RBP4: variants seen among roughly 807,000 people sequenced by gnomAD.
RBP4 encodes retinol binding protein 4, also known as retinol-binding protein 4.
Under a neutral mutation model 26.2 loss-of-function variants are expected in RBP4, and 9 were observed. The observed-to-expected ratio is 0.34, with a 90% confidence interval of 0.21 to 0.60. The LOEUF (loss-of-function observed/expected upper bound fraction) is 0.60, where lower values mean the gene tolerates loss of function less well. Among genes scored for constraint, RBP4 ranks in the 20% least tolerant of loss-of-function variants. The probability of loss-of-function intolerance (pLI) is 0.80; values close to 1 mark genes in which losing one functional copy is unlikely to be tolerated. For synonymous variants in RBP4, 114 were observed against 111.0 expected, an observed-to-expected ratio of 1.03 and a Z score of -0.17; for missense variants, 244 against 271.3, an observed-to-expected ratio of 0.90 and a Z score of 0.71.
upstream of RBP4, chr10:93,601,305 G>T: frequency 8.2e-7 from 1 of 1,219,500 alleles, no homozygotes; most frequent in Non-Finnish European, 1.0e-6. Context: ...TAACCGCGCG[G>T]GGTGAAAGAC....
Position 93,601,051 on chromosome 10 carries a change from G to A in RBP4, c.-18-5C>T, listed in dbSNP as rs2058334980. On this transcript the variant is annotated splice_region_variant and splice_polypyrimidine_tract_variant and intron_variant, in intron 1 of 5. Transcript: ENST00000371464. ...CATCTTGCCCAGGAATCCGCCCTGC[G>A]GGAGACGCGCCTCCGTCAGTGCCCG... 5.6e-6 allele frequency: 9 copies of A among 1,605,400 alleles called. No individual in the cohort carries two copies. The highest frequency in any genetic ancestry group is 3.3e-5 in the South Asian group (3 of 91,056).
chr10:93,601,073 C>T, intron 1 of RBP4, 27 bp from the exon 2 acceptor site: 3 of 1,597,304 alleles, frequency 1.9e-6, no homozygotes, highest in Non-Finnish European at 2.5e-6. Context: ...TCCGTCAGTG[C>T]CCGGCAGCCG....
chr10:93,599,549 A>C (rs1184010773), intron 4 of RBP4, among the ~76,000 whole-genome samples: 4 of 152,172 alleles, frequency 2.6e-5, no homozygotes, highest in Non-Finnish European at 5.9e-5. Context: ...CTGGCTTCTG[A>C]CATTGGCTCT....
At chr10:93,597,030 A>G (rs2058306982) in intron 4 of RBP4, among the ~76,000 whole-genome samples, 1 of 152,222 alleles carries the variant, frequency 6.6e-6, no homozygotes, top group South Asian at 2.1e-4. Context: ...AGATTGAATT[A>G]TCTAGACCAG....
At chr10:93,599,247 T>TAAA (rs1034604837) in intron 4 of RBP4, among the ~76,000 whole-genome samples, 1 of 144,078 alleles carries the variant, frequency 6.9e-6, no homozygotes, top group African/African-American at 2.6e-5. Context: ...ACCCTGTCTC[T>TAAA]AAAAAAAAAA....
At chr10:93,601,256 G>T (rs2058337734), upstream of RBP4, 3 of 1,221,344 alleles carry the variant, frequency 2.5e-6, no homozygotes, top group Admixed American at 4.5e-5. Context: ...CGGCCGCCCC[G>T]CTGCTTTATA....
intron 4 of RBP4, among the ~76,000 whole-genome samples, chr10:93,600,096 A>C (rs934564475): frequency 5.3e-5 from 8 of 152,166 alleles, no homozygotes; most frequent in African/African-American, 1.9e-4. Context: ...CAGGAGGAGA[A>C]AGCATGGAGA....
rs2058287735 is a variant in RBP4, at chr10:93,594,166, C to T, written c.356-131G>A. 3 of 874,950 alleles carry T rather than the reference C, an allele frequency of 3.4e-6. No homozygotes were observed. In the South Asian group the frequency reaches 4.2e-5, roughly 12 times the overall value. The allele number at this position is 874,950 out of a possible 1,614,324, so 54.2% of individuals were successfully genotyped here. On this transcript the variant is annotated intron_variant, in intron 4 of 5. Coordinates refer to ENST00000371464, the MANE Select transcript of RBP4 (RefSeq NM_006744.4). ...GGTTTTATTTCTTTAGGAAGCAGGA[C>T]ACTTCAGAGAATTCTGACAACTTTT...
chr10:93,593,686 G>A, intron 5 of RBP4, 137 bp downstream of exon 5: 1 of 942,950 alleles, frequency 1.1e-6, no homozygotes, highest in Non-Finnish European at 1.7e-6. Flanking sequence ...ATCTGGATTT[G>A]GCCTCAGAAA....
chr10:93,596,186 C>T (rs1338949439), intron 4 of RBP4, among the ~76,000 whole-genome samples: 6 of 151,010 alleles, frequency 4.0e-5, no homozygotes, highest in African/African-American at 7.4e-5. Flanking sequence ...TTAGCTTGGC[C>T]GATCGGCAGC....
chr10:93,594,231 A>C lies in RBP4; in HGVS notation c.356-196T>G, dbSNP rs73327273. Among the ~76,000 whole-genome samples the C allele has an allele frequency of 9.9e-3, 1,510 of 152,244 alleles. 29 individuals are homozygous for C. Among genetic ancestry groups the C allele is most frequent in the African/African-American group, 0.034 (1,418 of 41,544 alleles). On this transcript the variant is annotated intron_variant, in intron 4 of 5. Coordinates refer to ENST00000371464, the MANE Select transcript of RBP4 (RefSeq NM_006744.4). ...ATCAGAAAGGATCTTGTTCTCCTTT[A>C]TTGAAAAAAATCTTGGAGTCAGGGA...
intron 4 of RBP4, among the ~76,000 whole-genome samples, chr10:93,598,703 C>A (rs1159946004): frequency 1.3e-5 from 2 of 152,206 alleles, no homozygotes; most frequent in Admixed American, 1.3e-4. Context: ...TCATTGGGTC[C>A]TCTCTGACCC....
rs766445558 is a variant in RBP4, at chr10:93,600,910, A to G, written c.111+8T>C. ...TGGGCCGCCTGGGCCCCCTGGGCCGATACCTACGCGAGCCTTGTCGAAGTT... is the reference window on the plus strand; with the variant it reads ...TGGGCCGCCTGGGCCCCCTGGGCCGGTACCTACGCGAGCCTTGTCGAAGTT... On this transcript the variant is annotated splice_region_variant and intron_variant, in intron 2 of 5. Transcript: ENST00000371464. The G allele has an allele frequency of 6.2e-7, 1 of 1,612,150 alleles. No homozygotes were observed. The highest frequency in any genetic ancestry group is 1.1e-5 in the South Asian group (1 of 91,076).
At chr10:93,592,624 T>C (rs1400507869) in intron 5 of RBP4, among the ~76,000 whole-genome samples, 1 of 152,148 alleles carries the variant, frequency 6.6e-6, no homozygotes, top group Non-Finnish European at 1.5e-5. Flanking sequence ...ATTGTCAGCC[T>C]CTGTTTTCTC....
chr10:93,599,782 G>A (rs1238221442), intron 4 of RBP4, among the ~76,000 whole-genome samples: 2 of 152,152 alleles, frequency 1.3e-5, no homozygotes, highest in African/African-American at 2.4e-5. Context: ...GTTTTCTCAT[G>A]ATTAGGCCAA....
intron 5 of RBP4, 21 bp downstream of exon 5, chr10:93,593,802 G>A: frequency 6.2e-7 from 1 of 1,610,158 alleles, no homozygotes. Flanking sequence ...AGAGCCAGAA[G>A]GCACCCTGCT....
chr10:93,593,825 T>C lies in RBP4; in HGVS notation c.566A>G (p.Asn189Ser), dbSNP rs750356617. Residue 189 changes from asparagine to serine, a missense_variant and splice_region_variant, in exon 5 of 6, where the codon AAC becomes AGC. Transcript: ENST00000371464. ...AAGGCACCCTGCTCCTGACTCACCGTTGTGGACGATCAGCCTGTACTGCCT... is the reference window on the plus strand; with the variant it reads ...AAGGCACCCTGCTCCTGACTCACCGCTGTGGACGATCAGCCTGTACTGCCT... ...LARQYRLIVHNGYCDGRSERN... is the reference protein window; with the variant it reads ...LARQYRLIVHSGYCDGRSERN... 20 of 1,611,586 alleles carry C rather than the reference T, an allele frequency of 1.2e-5. No homozygotes were observed. Among genetic ancestry groups the C allele is most frequent in the Admixed American group, 1.7e-5 (1 of 60,014 alleles).
chr10:93,592,341 G>A (rs1417404911), intron 5 of RBP4, among the ~76,000 whole-genome samples: 11 of 152,222 alleles, frequency 7.2e-5, no homozygotes, highest in Non-Finnish European at 1.5e-5. Flanking sequence ...GGGGTGGAGA[G>A]AATATGACTT....
rs116736522 is a variant in RBP4 at position 93,600,639 on chromosome 10, G to C, written c.248+28C>G. The C allele has an allele frequency of 0.072, 115,264 of 1,611,488 alleles. 4,594 individuals carry two copies. Among genetic ancestry groups the C allele is most frequent in the Middle Eastern group, 0.13 (787 of 6,050 alleles). On this transcript the variant is annotated intron_variant, in intron 3 of 5. Transcript: ENST00000371464. The stretch of plus-strand genomic sequence containing the variant: ...CCCTTGGGGAACCCTGGAGCGCAAA[G>C]GGCGCAGCTGCCCCGGCGGCCACTG...
Sources: allele counts gnomAD v4.1 joint callset (sites outside exome capture counted in the v4.1 genomes callset), GRCh38; gene constraint gnomAD v4.1.1; transcripts MANE v1.5; gene names NCBI Gene and HGNC (gene_info 2026-07-23, HGNC 2026-07-21).